MUC17: variants seen among roughly 807,000 people sequenced by gnomAD.
MUC17 encodes mucin-17.
Under a neutral mutation model 170.3 loss-of-function variants are expected in MUC17, and 190 were observed. The ratio of observed to expected loss-of-function variants is 1.12; its 90% CI spans 0.99 to 1.26. The LOEUF is 1.26. Among genes scored for constraint, MUC17 ranks in the 50% most tolerant of loss-of-function variants. The pLI is 0.00. For missense variants in MUC17, 6,415 were observed against 5,530.0 expected (o/e 1.16, Z -5.08); for synonymous variants, 2,325 against 2,002.5 (o/e 1.16, Z -4.30).
In MUC17 at chr7:101,041,639, C is replaced by T. The variant is rs1490658290; in HGVS notation, c.10223C>T (p.Thr3408Ile). ...CCATTAGCAAGTATGCCTGTCAGCA[C>T]CACGCCGGTGGTCAGTTCTGAGGTT... ...TTPLASMPVS[T>I]TPVVSSEVNT... The change falls in exon 3 of 13, where the codon ACC becomes ATC. Residue 3408 changes from threonine (T) to isoleucine (I), a missense_variant. Physicochemically the swap from Thr to Ile is moderately conservative, Grantham distance 89 (BLOSUM62 -1). Coordinates refer to ENST00000306151, the MANE Select transcript of MUC17 (RefSeq NM_001040105.2). 1.2e-6 allele frequency: 2 copies of T among 1,613,608 alleles called. No individual in the cohort carries two copies. The highest frequency in any genetic ancestry group is 1.7e-6 in the Non-Finnish European group (2 of 1,179,802).
At position 101,038,445 on chromosome 7, in the gene MUC17, G is replaced by T. The variant is rs1274288130; in HGVS notation, c.7029G>T (p.Met2343Ile). The change falls in exon 3 of 13, where the codon ATG becomes ATT. Residue 2343 changes from methionine (M) to isoleucine (I), a missense_variant. Coordinates refer to ENST00000306151, the MANE Select transcript of MUC17 (RefSeq NM_001040105.2). ...SSEGNTPLTR[M>I]PVSTTMVASF... is the part of the protein sequence containing the mutation. ...AAGGAAACACTCCATTAACACGTAT[G>T]CCTGTCAGCACCACAATGGTGGCCA... is the stretch of plus-strand genomic sequence containing the variant. 6.2e-7 allele frequency: 1 copy of T among 1,604,348 alleles called. No individual in the cohort carries two copies. Among genetic ancestry groups the T allele is most frequent in the Admixed American group, 1.7e-5 (1 of 59,460 alleles).
rs140470886 is a variant in MUC17 at position 101,048,006 on chromosome 7, T to A, written c.12426T>A (p.Asn4142Lys). 1 of 1,603,372 alleles carries A rather than the reference T, an allele frequency of 6.2e-7. No homozygotes were observed. Among genetic ancestry groups the A allele is most frequent in the Non-Finnish European group, 8.5e-7 (1 of 1,175,856 alleles). ...TTTCFGDGCQ[N>K]TASRCKNGGT... ...CAGGCTTTGGAGATGGGTGCCAGAA[T>A]ACGGCCTCTCGCTGCAAGAATGGAG... Residue 4142 changes from asparagine to lysine, a missense_variant, in exon 4 of 13, where the codon AAT becomes AAA. Transcript: ENST00000306151.
chr7:101,033,825 AG>A lies in MUC17; in HGVS notation c.2411del (p.Gly804GlufsTer5). 1 of 1,613,938 alleles carries A rather than the reference AG, an allele frequency of 6.2e-7. No individual in the cohort carries two copies. The highest frequency in any genetic ancestry group is 1.1e-5 in the South Asian group (1 of 91,056). ...GCATGCCAATCTCAACTCCTAGTGAAGGAAGTCCTTTATTAACAAGTATACC... is the reference window on the plus strand; with the variant it reads ...GCATGCCAATCTCAACTCCTAGTGAAGAAGTCCTTTATTAACAAGTATACC... Reference protein sequence around the residue: ...TSMPISTPSEGSPLLTSIPVS... With the variant: ...TSMPISTPSEXSPLLTSIPVS... On this transcript the variant is annotated frameshift_variant, in exon 3 of 13. Coordinates refer to ENST00000306151, the MANE Select transcript of MUC17 (RefSeq NM_001040105.2). LOFTEE classifies it high-confidence loss of function.
At chr7:101,048,310 T>C (rs1794877912) in intron 4 of MUC17, 195 bp downstream of exon 4, 1 of 453,976 alleles carries the variant, frequency 2.2e-6, no homozygotes, top group South Asian at 8.4e-5. Flanking sequence ...ATGAATAAAA[T>C]AGGCCAGGCA....
At chr7:101,052,797 C>T (rs906004357) in intron 9 of MUC17, among the ~76,000 whole-genome samples, 189 bp from the exon 10 acceptor site, 34 of 152,172 alleles carry the variant, frequency 2.2e-4, no homozygotes, top group Middle Eastern at 3.2e-3. Context: ...GAATTGGGCT[C>T]ATTTGAGGAC....
At position 101,040,872 on chromosome 7, in the gene MUC17, C is replaced by G; in HGVS notation, c.9456C>G (p.Thr3152=). 6.2e-7 allele frequency: 1 copy of G among 1,613,796 alleles called. No individual in the cohort carries two copies. Among genetic ancestry groups the G allele is most frequent in the South Asian group, 1.1e-5 (1 of 91,042 alleles). Residue 3152 remains threonine (T), a synonymous_variant, in exon 3 of 13, where the codon ACC becomes ACG. Coordinates refer to ENST00000306151, the MANE Select transcript of MUC17 (RefSeq NM_001040105.2). ...AHSSPTTSEG[T]SMPTSTPSEG... ...CATCTCCTACAACTTCTGAAGGTAC[C>G]AGCATGCCAACCTCAACTCCTAGTG...
intron 1 of MUC17, among the ~76,000 whole-genome samples, chr7:101,027,630 A>G (rs184055069): frequency 9.5e-4 from 144 of 152,232 alleles, no homozygotes; most frequent in East Asian, 4.4e-3. Context: ...CTGTGGGCTT[A>G]TAGTTTTTAT....
In MUC17 at chr7:101,036,939, T is replaced by A. The variant is rs777384582; in HGVS notation, c.5523T>A (p.Thr1841=). 2 of 1,613,106 alleles carry A rather than the reference T, an allele frequency of 1.2e-6. No homozygotes were observed. The highest frequency in any genetic ancestry group is 2.2e-5 in the East Asian group (1 of 44,794). Residue 1841 remains threonine, a synonymous_variant, in exon 3 of 13, where the codon ACT becomes ACA. Transcript: ENST00000306151. ...TTGACTCTAACAGTCCTGTGGTCAC[T>A]TCTACAGCAGTCAGTTCATCTCCTA... ...TPVDSNSPVV[T]STAVSSSPTP... is the part of the protein sequence containing the mutation.
rs568174086 is a variant in MUC17, at chr7:101,045,375, T to TTTTTC, written c.12403+1576_12403+1580dup. On this transcript the variant is annotated intron_variant, in intron 3 of 12. Transcript: ENST00000306151. Reference sequence around the variant, plus strand: ...TGCTGAATTCTACTTTGCCTGAACTTTTTTCTTTTCTTTTCTTTTCTTTTT... The same window carrying TTTTTC: ...TGCTGAATTCTACTTTGCCTGAACTTTTTTCTTTTCTTTTCTTTTCTTTTCTTTTT... Among the ~76,000 whole-genome samples the TTTTTC allele has an allele frequency of 5.3e-3, 801 of 152,018 alleles. 7 individuals are homozygous for TTTTTC. Among genetic ancestry groups the TTTTTC allele is most frequent in the African/African-American group, 0.018 (763 of 41,434 alleles).
chr7:101,041,060 C>T lies in MUC17; in HGVS notation c.9644C>T (p.Ser3215Leu). The T allele has an allele frequency of 6.2e-7, 1 of 1,614,042 alleles. No individual in the cohort carries two copies. The highest frequency in any genetic ancestry group is 1.3e-5 in the African/African-American group (1 of 74,966). The change falls in exon 3 of 13, where the codon TCA becomes TTA. Residue 3215 changes from serine (S) to leucine (L), a missense_variant. Coordinates refer to ENST00000306151, the MANE Select transcript of MUC17 (RefSeq NM_001040105.2). ...GCTGAAGGTACCAGCATTCCAACCT[C>T]AACTCCTAGTGAAGGAATGACTCCA... ...TTAEGTSIPT[S>L]TPSEGMTPLT...
chr7:101,047,661 C>T (rs1794865117), intron 3 of MUC17, among the ~76,000 whole-genome samples: 1 of 152,068 alleles, frequency 6.6e-6, no homozygotes, highest in African/African-American at 2.4e-5. Flanking sequence ...GAAACCCCGT[C>T]TCTACTAAAA....
In MUC17 at chr7:101,037,593, T is replaced by A. The variant is rs963837104; in HGVS notation, c.6177T>A (p.Ser2059=). The change falls in exon 3 of 13, where the codon TCT becomes TCA. Residue 2059 remains serine (S), a synonymous_variant. Coordinates refer to ENST00000306151, the MANE Select transcript of MUC17 (RefSeq NM_001040105.2). ...TCAGCACTACGCTTGTGGTCAGTTCTGAGGGTAACACCCTTTCAACAACTC... is the reference window on the plus strand; with the variant it reads ...TCAGCACTACGCTTGTGGTCAGTTCAGAGGGTAACACCCTTTCAACAACTC... The part of the protein sequence containing the change: ...MPVSTTLVVS[S]EGNTLSTTPV... 8 of 1,613,818 alleles carry A rather than the reference T, an allele frequency of 5.0e-6. No homozygotes were observed. The highest frequency in any genetic ancestry group is 6.8e-6 in the Non-Finnish European group (8 of 1,179,904).
chr7:101,029,178 A>G, intron 1 of MUC17, among the ~76,000 whole-genome samples: 1 of 147,888 alleles, frequency 6.8e-6, no homozygotes, highest in Admixed American at 6.7e-5. Context: ...ACAAGAGCAA[A>G]ACTACATCTC....
chr7:101,036,736 A>T lies in MUC17; in HGVS notation c.5320A>T (p.Ile1774Phe). 6.3e-7 allele frequency: 1 copy of T among 1,598,000 alleles called. No individual in the cohort carries two copies. The change falls in exon 3 of 13, where the codon ATT becomes TTT. Residue 1774 changes from isoleucine (I) to phenylalanine (F), a missense_variant. Ile to Phe is a conservative substitution (Grantham distance 21, BLOSUM62 0). Transcript: ENST00000306151. The stretch of plus-strand genomic sequence containing the variant: ...GGCTAGCACCCTTTCAGCAACTCCT[A>T]TTGACACCAGCACCCCTGTGACCAC... ...SEASTLSATP[I>F]DTSTPVTTST... is the part of the protein sequence containing the mutation.
intron 6 of MUC17, among the ~76,000 whole-genome samples, chr7:101,049,818 G>A (rs1371526381): frequency 1.3e-5 from 2 of 152,132 alleles, no homozygotes; most frequent in African/African-American, 4.8e-5. Flanking sequence ...AGGTTCTGGA[G>A]GTTAGGGCTT....
Position 101,050,527 on chromosome 7 carries a change from A to T in MUC17, c.12766A>T (p.Lys4256Ter). The change falls in exon 7 of 13, where the codon AAG becomes TAG. Residue 4256 changes from lysine to a stop codon, truncating the protein, a stop_gained. Transcript: ENST00000306151. LOFTEE classifies it high-confidence loss of function. ...GGAGCATGACGTCCTCCTAAGAACC[A>T]AGTACACACCAGAATACAAGACAGT... The part of the protein sequence containing the change: ...VVEHDVLLRT[K>*]YTPEYKTVLD... 1 of 1,614,062 alleles carries T rather than the reference A, an allele frequency of 6.2e-7. No homozygotes were observed. Among genetic ancestry groups the T allele is most frequent in the Non-Finnish European group, 8.5e-7 (1 of 1,179,952 alleles).
chr7:101,043,702 A>G lies in MUC17; in HGVS notation c.12286A>G (p.Thr4096Ala). The change falls in exon 3 of 13, where the codon ACA (threonine) becomes GCA (alanine). Residue 4096 changes from threonine to alanine, a missense_variant. Physicochemically the swap from Thr to Ala is moderately conservative, Grantham distance 58. Coordinates refer to ENST00000306151, the MANE Select transcript of MUC17 (RefSeq NM_001040105.2). ...GGCTGTCACCACCATGACCACCAGG[A>G]CAAAACCCAGCACACGGACCACTTC... ...PEAVTTMTTR[T>A]KPSTRTTSFP... 12 of 1,614,144 alleles carry G rather than the reference A, an allele frequency of 7.4e-6. No individual in the cohort carries two copies. Among genetic ancestry groups the G allele is most frequent in the Non-Finnish European group, 1.0e-5 (12 of 1,180,024 alleles).
At position 101,036,558 on chromosome 7, in the gene MUC17, C is replaced by T. The variant is rs71557227; in HGVS notation, c.5142C>T (p.Pro1714=). The change falls in exon 3 of 13, where the codon CCC becomes CCT. Residue 1714 remains proline (P), a synonymous_variant. Coordinates refer to ENST00000306151, the MANE Select transcript of MUC17 (RefSeq NM_001040105.2). ...SSAISTLSTT[P]VDNSTPVTTS... is the part of the protein sequence containing the mutation. Reference sequence around the variant, plus strand: ...CAATCAGCACCCTTTCAACAACTCCCGTTGACAACAGCACACCTGTGACCA... The same window carrying T: ...CAATCAGCACCCTTTCAACAACTCCTGTTGACAACAGCACACCTGTGACCA... The T allele has an allele frequency of 1.2e-4, 198 of 1,606,970 alleles. No individual in the cohort carries two copies. Among genetic ancestry groups the T allele is most frequent in the African/African-American group, 1.5e-4 (11 of 74,294 alleles).
In MUC17 at chr7:101,040,686, T is replaced by C. The variant is rs372280786; in HGVS notation, c.9270T>C (p.Ala3090=). The C allele has an allele frequency of 3.7e-5, 60 of 1,613,280 alleles. 1 individual carries two copies. The East Asian group carries it at 1.0e-3, about 27-fold the overall frequency. ...STEVSSSPTP[A]EGTSMPISTY... Reference sequence around the variant, plus strand: ...AAGTCAGTTCATCTCCTACACCTGCTGAAGGTACCAGCATGCCAATCTCAA... The same window carrying C: ...AAGTCAGTTCATCTCCTACACCTGCCGAAGGTACCAGCATGCCAATCTCAA... Residue 3090 remains alanine, a synonymous_variant, in exon 3 of 13, where the codon GCT becomes GCC. Coordinates refer to ENST00000306151, the MANE Select transcript of MUC17 (RefSeq NM_001040105.2).
Sources: gnomAD v4.1 joint callset for allele counts (sites outside exome capture counted in the v4.1 genomes callset) on GRCh38, gnomAD v4.1.1 for gene constraint, MANE v1.5 for transcripts, NCBI Gene and HGNC (gene_info 2026-07-23, HGNC 2026-07-21) for gene names.